Variants in CSF3 observed in about 807,000 individuals in gnomAD.
The protein encoded by CSF3 is granulocyte colony-stimulating factor.
A neutral mutation model predicts 20.2 loss-of-function variants in CSF3; 17 were observed. The ratio of observed to expected loss-of-function variants is 0.84; its 90% confidence interval spans 0.58 to 1.26. The LOEUF (loss-of-function observed/expected upper bound fraction) is 1.26, where lower values mean the gene tolerates loss of function less well. Ranked by LOEUF, CSF3 falls within the 50% of genes most tolerant of loss-of-function variation. CSF3 has a pLI of 0.00. For synonymous variants in CSF3, 125 were observed against 115.3 expected, an observed-to-expected ratio of 1.08 and a Z score of -0.54; for missense variants, 210 against 256.0, an observed-to-expected ratio of 0.82 and a Z score of 1.23.
Position 40,017,076 on chromosome 17 carries a change from G to A in CSF3, c.*117G>A. On this transcript the variant is annotated 3_prime_UTR_variant, in exon 5 of 5. Coordinates refer to ENST00000394149, the MANE Select transcript of CSF3 (RefSeq NM_172219.3). The stretch of plus-strand genomic sequence containing the variant: ...GCCCCAGGCCTCTGTGTCCTTCCCT[G>A]CATTTCTGAGTTTCATTCTCCTGCC... The A allele has an allele frequency of 1.0e-6, 1 of 998,402 alleles. No individual in the cohort carries two copies. The highest frequency in any genetic ancestry group is 1.4e-6 in the Non-Finnish European group (1 of 715,026). 61.8% of individuals were successfully genotyped at this position (998,402 alleles called of 1,614,324 possible). A position where few individuals can be genotyped will look rare whatever the true frequency, so the allele number is the denominator to read the frequency against.
Position 40,017,103 on chromosome 17 carries a change from G to T in CSF3, c.*144G>T. ...ATTTCTGAGTTTCATTCTCCTGCCTGTAGCAGTGAGAAAAAGCTCCTGTCC... is the reference window on the plus strand; with the variant it reads ...ATTTCTGAGTTTCATTCTCCTGCCTTTAGCAGTGAGAAAAAGCTCCTGTCC... On this transcript the variant is annotated 3_prime_UTR_variant, in exon 5 of 5. Transcript: ENST00000394149. 1 of 769,576 alleles carries T rather than the reference G, an allele frequency of 1.3e-6. No homozygotes were observed. Among genetic ancestry groups the T allele is most frequent in the Non-Finnish European group, 1.9e-6 (1 of 513,532 alleles). The allele number at this position is 769,576 out of a possible 1,614,324, so 47.7% of individuals were successfully genotyped here.
In CSF3 at chr17:40,017,263, G is replaced by C; in HGVS notation, c.*304G>C. 1 of 231,632 alleles carries C rather than the reference G, an allele frequency of 4.3e-6. No individual in the cohort carries two copies. The highest frequency in any genetic ancestry group is 9.3e-5 in the East Asian group (1 of 10,810). The allele number at this position is 231,632 out of a possible 1,614,324, so 14.3% of individuals were successfully genotyped here. ...CCTGGTCCTGAGGGTCCCCACCTGG[G>C]ACCCTTGAGAGTATCAGGTCTCCCA... On this transcript the variant is annotated 3_prime_UTR_variant, in exon 5 of 5. Coordinates refer to ENST00000394149, the MANE Select transcript of CSF3 (RefSeq NM_172219.3).
chr17:40,016,012 C>A, intron 2 of CSF3, 167 bp downstream of exon 2: 1 of 1,108,352 alleles, frequency 9.0e-7, no homozygotes. Context: ...TTGGTGGGGA[C>A]AGTGCTCGGG....
chr17:40,016,542 G>C lies in CSF3; in HGVS notation c.361G>C (p.Ala121Pro). The C allele has an allele frequency of 6.2e-7, 1 of 1,614,150 alleles. No homozygotes were observed. Among genetic ancestry groups the C allele is most frequent in the Non-Finnish European group, 8.5e-7 (1 of 1,180,018 alleles). ...GLFLYQGLLQ[A>P]LEGISPELGP... ...TTTCCTCTACCAGGGGCTCCTGCAG[G>C]CCCTGGAAGGGATCTCCCCCGAGTT... The change falls in exon 4 of 5, where the codon GCC becomes CCC. Residue 121 changes from alanine to proline, a missense_variant. Physicochemically the swap from Ala to Pro is conservative, Grantham distance 27. Coordinates refer to ENST00000394149, the MANE Select transcript of CSF3 (RefSeq NM_172219.3).
At chr17:40,016,046 AG>A (rs1981362219) in intron 2 of CSF3, 186 bp from the exon 3 acceptor site, 2 of 903,926 alleles carry the variant, frequency 2.2e-6, no homozygotes, top group African/African-American at 1.7e-5. Context: ...ATGGGAGTGG[AG>A]GCATTACATT....
Position 40,017,192 on chromosome 17 carries a change from C to T in CSF3, c.*233C>T, listed in dbSNP as rs1247311606. ...AAGTATTTATTACTATGACTGCTCCCCAGCCCTGGCTCTGCAATGGGCACT... is the reference window on the plus strand; with the variant it reads ...AAGTATTTATTACTATGACTGCTCCTCAGCCCTGGCTCTGCAATGGGCACT... On this transcript the variant is annotated 3_prime_UTR_variant, in exon 5 of 5. Transcript: ENST00000394149. The T allele has an allele frequency of 4.8e-6, 2 of 415,256 alleles. No individual in the cohort carries two copies. Among genetic ancestry groups the T allele is most frequent in the East Asian group, 8.6e-5 (2 of 23,186 alleles). The allele number at this position is 415,256 out of a possible 1,614,324, so 25.7% of individuals were successfully genotyped here.
intron 4 of CSF3, 61 bp downstream of exon 4, chr17:40,016,692 C>A: frequency 9.9e-6 from 16 of 1,609,260 alleles, no homozygotes; most frequent in Non-Finnish European, 1.3e-5. Flanking sequence ...CACAGCCAGG[C>A]CTGTGTATGG....
At position 40,015,938 on chromosome 17, in the gene CSF3, C is replaced by T. The variant is rs1300838092; in HGVS notation, c.195+93C>T. The T allele has an allele frequency of 3.3e-5, 48 of 1,475,052 alleles. 1 individual carries two copies. Among genetic ancestry groups the T allele is most frequent in the South Asian group, 2.3e-4 (17 of 73,986 alleles). The allele number at this position is 1,475,052 out of a possible 1,614,324, so 91.4% of individuals were successfully genotyped here. A position where few individuals can be genotyped will look rare whatever the true frequency, so the allele number is the denominator to read the frequency against. ...CAGGGCCAACATCCTCTGGAAGGGACGTGGGAGAATATTAGGAGCAGTGGA... is the reference window on the plus strand; with the variant it reads ...CAGGGCCAACATCCTCTGGAAGGGATGTGGGAGAATATTAGGAGCAGTGGA... On this transcript the variant is annotated intron_variant, in intron 2 of 4. Transcript: ENST00000394149.
intron 2 of CSF3, 46 bp from the exon 3 acceptor site, chr17:40,016,187 G>A: frequency 7.0e-7 from 1 of 1,428,280 alleles, no homozygotes; most frequent in Admixed American, 2.2e-5. Context: ...GGAAGGAGCG[G>A]CGACCCGGCC....
At chr17:40,015,598 G>A (rs781347369) in intron 1 of CSF3, 84 bp downstream of exon 1, 380 of 1,546,988 alleles carry the variant, frequency 2.5e-4, no homozygotes, top group Non-Finnish European at 3.1e-4. Context: ...GGGGATCCCC[G>A]TTCTGGGAAT....
chr17:40,016,240 C>T lies in CSF3; in HGVS notation c.203C>T (p.Thr68Ile). Residue 68 changes from threonine (T) to isoleucine (I), a missense_variant, in exon 3 of 5, where the codon ACC (threonine) becomes ATC (isoleucine). By Grantham distance (89) the Thr-to-Ile change is moderately conservative. Transcript: ENST00000394149. ...GCATCCTTCCATCCCCAGTGTGCCA[C>T]CTACAAGCTGTGCCACCCCGAGGAG... ...GAALQEKLCA[T>I]YKLCHPEELV... The T allele has an allele frequency of 6.4e-7, 1 of 1,553,684 alleles. No homozygotes were observed. The highest frequency in any genetic ancestry group is 8.7e-7 in the Non-Finnish European group (1 of 1,148,568).
At position 40,017,016 on chromosome 17, in the gene CSF3, G is replaced by A. The variant is rs1340223743; in HGVS notation, c.*57G>A. 6.1e-6 allele frequency: 9 copies of A among 1,466,714 alleles called. No individual in the cohort carries two copies. The highest frequency in any genetic ancestry group is 8.2e-6 in the Non-Finnish European group (9 of 1,102,058). The allele number at this position is 1,466,714 out of a possible 1,614,324, so 90.9% of individuals were successfully genotyped here. A position where few individuals can be genotyped will look rare whatever the true frequency, so the allele number is the denominator to read the frequency against. On this transcript the variant is annotated 3_prime_UTR_variant, in exon 5 of 5. Transcript: ENST00000394149. ...CTATTTAATATTTATGTCTATTTAA[G>A]CCTCATATTTAAAGACAGGGAAGAG...
chr17:40,016,008 G>A lies in CSF3; in HGVS notation c.195+163G>A, dbSNP rs2078556507. 2.6e-5 allele frequency: 29 copies of A among 1,134,748 alleles called. 1 individual carries two copies. In the South Asian group the frequency reaches 4.7e-4, roughly 18 times the overall value. The allele number at this position is 1,134,748 out of a possible 1,614,324, so 70.3% of individuals were successfully genotyped here. A position where few individuals can be genotyped will look rare whatever the true frequency, so the allele number is the denominator to read the frequency against. On this transcript the variant is annotated intron_variant, in intron 2 of 4. Transcript: ENST00000394149. Reference sequence around the variant, plus strand: ...GGACTTGGGGAGGAGGACCTTGGTGGGGACAGTGCTCGGGAGGGCTGGCTG... The same window carrying A: ...GGACTTGGGGAGGAGGACCTTGGTGAGGACAGTGCTCGGGAGGGCTGGCTG...
chr17:40,016,500 C>T lies in CSF3; in HGVS notation c.319C>T (p.Gln107Ter). 6.2e-7 allele frequency: 1 copy of T among 1,614,182 alleles called. No homozygotes were observed. The highest frequency in any genetic ancestry group is 8.5e-7 in the Non-Finnish European group (1 of 1,180,016). ...QALQLAGCLS[Q>*]LHSGLFLYQG... is the part of the protein sequence containing the mutation. The stretch of plus-strand genomic sequence containing the variant: ...TGTCTCACAGGCAGGCTGCTTGAGC[C>T]AACTCCATAGCGGCCTTTTCCTCTA... Residue 107 changes from glutamine (Q) to a stop codon, truncating the protein, a stop_gained, in exon 4 of 5, where the codon CAA (glutamine) becomes TAA (stop). Transcript: ENST00000394149. LOFTEE classifies it high-confidence loss of function.
Position 40,016,806 on chromosome 17 carries a change from G to A in CSF3, c.462G>A (p.Leu154=), listed in dbSNP as rs148409381. ...GCTTTCCCCCACAGATGGAAGAACTGGGAATGGCCCCTGCCCTGCAGCCCA... is the reference window on the plus strand; with the variant it reads ...GCTTTCCCCCACAGATGGAAGAACTAGGAATGGCCCCTGCCCTGCAGCCCA... ...ATTIWQQMEE[L]GMAPALQPTQ... The change falls in exon 5 of 5, where the codon CTG becomes CTA. Residue 154 remains leucine, a synonymous_variant. Coordinates refer to ENST00000394149, the MANE Select transcript of CSF3 (RefSeq NM_172219.3). The A allele has an allele frequency of 6.2e-7, 1 of 1,612,910 alleles. No homozygotes were observed. Among genetic ancestry groups the A allele is most frequent in the Non-Finnish European group, 8.5e-7 (1 of 1,180,024 alleles).
At chr17:40,015,965 C>T in intron 2 of CSF3, 120 bp downstream of exon 2, 1 of 1,387,554 alleles carries the variant, frequency 7.2e-7, no homozygotes, top group Non-Finnish European at 9.6e-7. Flanking sequence ...AGCAGTGGAG[C>T]TGGGGAAGGC....
In CSF3 at chr17:40,016,886, T is replaced by C. The variant is rs765324783; in HGVS notation, c.542T>C (p.Val181Ala). ...ASAFQRRAGG[V>A]LVASHLQSFL... Reference sequence around the variant, plus strand: ...GCTTTCCAGCGCCGGGCAGGAGGGGTCCTGGTTGCCTCCCATCTGCAGAGC... The same window carrying C: ...GCTTTCCAGCGCCGGGCAGGAGGGGCCCTGGTTGCCTCCCATCTGCAGAGC... Residue 181 changes from valine to alanine, a missense_variant, in exon 5 of 5, where the codon GTC (valine) becomes GCC (alanine). Coordinates refer to ENST00000394149, the MANE Select transcript of CSF3 (RefSeq NM_172219.3). The C allele has an allele frequency of 6.2e-7, 1 of 1,613,348 alleles. No individual in the cohort carries two copies. The highest frequency in any genetic ancestry group is 8.5e-7 in the Non-Finnish European group (1 of 1,179,918).
Position 40,017,150 on chromosome 17 carries a change from G to A in CSF3, c.*191G>A, listed in dbSNP as rs1981452883. 7 of 545,984 alleles carry A rather than the reference G, an allele frequency of 1.3e-5. No homozygotes were observed. Among genetic ancestry groups the A allele is most frequent in the Non-Finnish European group, 2.2e-5 (7 of 318,892 alleles). The allele number at this position is 545,984 out of a possible 1,614,324, so 33.8% of individuals were successfully genotyped here. ...GTCCTCCCATCCCCTGGACTGGGAG[G>A]TAGATAGGTAAATACCAAGTATTTA... On this transcript the variant is annotated 3_prime_UTR_variant, in exon 5 of 5. Transcript: ENST00000394149.
chr17:40,016,108 C>A, intron 2 of CSF3, 125 bp from the exon 3 acceptor site: 1 of 846,024 alleles, frequency 1.2e-6, no homozygotes, highest in Non-Finnish European at 1.8e-6. Context: ...GGGTGCAGGG[C>A]AGAGAGGAAC....
Sources: gnomAD v4.1 joint callset for allele counts on GRCh38, gnomAD v4.1.1 for gene constraint, MANE v1.5 for transcripts, NCBI Gene and HGNC (gene_info 2026-07-23, HGNC 2026-07-21) for gene names.